Variants in SLC25A17 observed in about 807,000 individuals in gnomAD.
The protein encoded by SLC25A17 is peroxisomal membrane protein PMP34.
In SLC25A17, 26 loss-of-function variants were observed where a neutral mutation model predicts 38.5. That is an observed-to-expected ratio of 0.68 (90% CI 0.50 to 0.94). The LOEUF is 0.94. Among genes scored for constraint, SLC25A17 ranks in the 40% least tolerant of loss-of-function variants. The probability of loss-of-function intolerance (pLI) is 0.00; values close to 1 mark genes in which losing one functional copy is unlikely to be tolerated. For missense variants in SLC25A17, 333 were observed against 372.7 expected, an observed-to-expected ratio of 0.89 and a Z score of 0.88; for synonymous variants, 139 against 136.2, an observed-to-expected ratio of 1.02 and a Z score of -0.14.
chr22:40,812,175 G>A (rs1197717856), intron 1 of SLC25A17, among the ~76,000 whole-genome samples: 1 of 151,864 alleles, frequency 6.6e-6, no homozygotes, highest in African/African-American at 2.4e-5. Context: ...GATTACAGGC[G>A]TGAGCCACCA....
intron 2 of SLC25A17, chr22:40,798,435 G>C (rs928422420): frequency 2.0e-5 from 3 of 152,096 alleles, no homozygotes; most frequent in Admixed American, 1.3e-4. Flanking sequence ...AAGAGTGAAA[G>C]CTTCCTTCCC....
intron 7 of SLC25A17, among the ~76,000 whole-genome samples, chr22:40,775,819 T>C (rs2057237769): frequency 1.3e-5 from 2 of 152,216 alleles, no homozygotes; most frequent in Non-Finnish European, 2.9e-5. Flanking sequence ...TGCCGCCATG[T>C]GAAGAAGGAC....
At chr22:40,810,655 T>C (rs145536691) in intron 1 of SLC25A17, among the ~76,000 whole-genome samples, 7 of 152,298 alleles carry the variant, frequency 4.6e-5, no homozygotes, top group South Asian at 2.1e-4. Flanking sequence ...AATATTCTAA[T>C]AGTAAATTTT....
intron 3 of SLC25A17, among the ~76,000 whole-genome samples, 181 bp from the exon 4 acceptor site, chr22:40,792,857 A>G (rs1323507578): frequency 6.6e-6 from 1 of 152,216 alleles, no homozygotes; most frequent in Non-Finnish European, 1.5e-5. Flanking sequence ...CAAGAAATCT[A>G]TTCTAGCACT....
chr22:40,816,552 C>T (rs2057641479), intron 1 of SLC25A17, among the ~76,000 whole-genome samples: 1 of 151,618 alleles, frequency 6.6e-6, no homozygotes, highest in South Asian at 2.1e-4. Context: ...TTTTATAGCA[C>T]TTAACTGTAT....
intron 4 of SLC25A17, among the ~76,000 whole-genome samples, chr22:40,791,836 C>T (rs535940236): frequency 3.4e-4 from 51 of 152,106 alleles, no homozygotes; most frequent in African/African-American, 1.1e-3. Flanking sequence ...TGGAGGTTCC[C>T]GAGAAAACTG....
rs767043883 is a variant in SLC25A17 at position 40,770,810 on chromosome 22, C to T, written c.*24G>A. 2.0e-5 allele frequency: 31 copies of T among 1,582,622 alleles called. No homozygotes were observed. The highest frequency in any genetic ancestry group is 2.7e-5 in the African/African-American group (2 of 74,046). ...AGGAAACCTCCCTCTTGAGCATCTT[C>T]GGAATTTTTCATGGGAAGGCGTCTC... is the stretch of plus-strand genomic sequence containing the variant. On this transcript the variant is annotated 3_prime_UTR_variant, in exon 9 of 9. Transcript: ENST00000435456.
At chr22:40,773,875 C>A in intron 8 of SLC25A17, 62 bp downstream of exon 8, 1 of 1,154,900 alleles carries the variant, frequency 8.7e-7, no homozygotes, top group Non-Finnish European at 1.3e-6. Context: ...AAATGCAACC[C>A]CTCCCTGGCA....
chr22:40,797,151 T>C (rs570060562), intron 2 of SLC25A17: 1 of 439,822 alleles, frequency 2.3e-6, no homozygotes, highest in Non-Finnish European at 4.6e-6. Context: ...GCATTTTCAC[T>C]GCACTGTATA....
chr22:40,803,564 A>G (rs2057502455), intron 1 of SLC25A17, among the ~76,000 whole-genome samples: 1 of 152,134 alleles, frequency 6.6e-6, no homozygotes, highest in Non-Finnish European at 1.5e-5. Flanking sequence ...GTAGATAAGC[A>G]TTGATTCCAC....
At chr22:40,816,236 A>C (rs970632700) in intron 1 of SLC25A17, among the ~76,000 whole-genome samples, 5 of 152,068 alleles carry the variant, frequency 3.3e-5, no homozygotes, top group Non-Finnish European at 5.9e-5. Context: ...AAAAGAAAAA[A>C]AGAGAAAAAT....
At chr22:40,778,501 C>T (rs976030875) in intron 5 of SLC25A17, among the ~76,000 whole-genome samples, 5 of 152,328 alleles carry the variant, frequency 3.3e-5, no homozygotes, top group South Asian at 2.1e-4. Flanking sequence ...CGTCAATCCA[C>T]AAACATGTGT....
chr22:40,800,018 T>C (rs935604876), intron 1 of SLC25A17, among the ~76,000 whole-genome samples: 10 of 152,234 alleles, frequency 6.6e-5, no homozygotes, highest in Non-Finnish European at 1.3e-4. Context: ...AACAGACACA[T>C]ACTTTTATTC....
chr22:40,806,501 A>G (rs2145698662), intron 1 of SLC25A17, among the ~76,000 whole-genome samples: 1 of 152,278 alleles, frequency 6.6e-6, no homozygotes, highest in Middle Eastern at 3.4e-3. Flanking sequence ...AAGAAGATTA[A>G]AAACCTACAG....
chr22:40,782,175 G>A (rs1014290144), intron 4 of SLC25A17, among the ~76,000 whole-genome samples: 4 of 151,950 alleles, frequency 2.6e-5, no homozygotes, highest in Admixed American at 1.3e-4. Flanking sequence ...AGCCGAGATC[G>A]CACTACTGCA....
chr22:40,812,033 T>TTCTC (rs372346560), intron 1 of SLC25A17, among the ~76,000 whole-genome samples: 11 of 150,276 alleles, frequency 7.3e-5, no homozygotes, highest in South Asian at 6.3e-4. Flanking sequence ...CTCTTTTTCT[T>TTCTC]TCTCTCTCTC....
In SLC25A17 at chr22:40,770,014, TG is replaced by T. The variant is rs2057166190; in HGVS notation, c.*819del. 6.6e-6 allele frequency: 1 copy of T among 152,236 alleles called. No homozygotes were observed. Among genetic ancestry groups the T allele is most frequent in the Non-Finnish European group, 1.5e-5 (1 of 68,038 alleles). The allele number at this position is 152,236 out of a possible 1,614,324, so 9.4% of individuals were successfully genotyped here. A position where few individuals can be genotyped will look rare whatever the true frequency, so the allele number is the denominator to read the frequency against. On this transcript the variant is annotated 3_prime_UTR_variant, in exon 9 of 9. Transcript: ENST00000435456. ...AGATATCTGCTCCCCTTCTCATTTT[TG>T]TGATTTTTCCCATCTGGTTGCAAAC...
Position 40,789,695 on chromosome 22 carries a change from G to A in SLC25A17, c.334+2830C>T, listed in dbSNP as rs1281193081. Among the ~76,000 whole-genome samples the A allele has an allele frequency of 1.3e-5, 2 of 151,760 alleles. No homozygotes were observed. Among genetic ancestry groups the A allele is most frequent in the South Asian group, 2.1e-4 (1 of 4,786 alleles). On this transcript the variant is annotated intron_variant, in intron 4 of 8. Transcript: ENST00000435456. This position sits in a 1 kb window ranked among gnomAD's most constrained non-coding sequence, Gnocchi z 4.5. ...CTAATTTTTTGTATTTTCAGTAAAGGTGGGGTTTCACCATGTAGGCTAGGC... is the reference window on the plus strand; with the variant it reads ...CTAATTTTTTGTATTTTCAGTAAAGATGGGGTTTCACCATGTAGGCTAGGC...
At chr22:40,805,249 C>T (rs969937522) in intron 1 of SLC25A17, among the ~76,000 whole-genome samples, 6 of 152,186 alleles carry the variant, frequency 3.9e-5, no homozygotes, top group African/African-American at 1.2e-4. Context: ...GCAGGAGAAT[C>T]GCTTGAACCT....
Sources: allele counts gnomAD v4.1 joint callset (sites outside exome capture counted in the v4.1 genomes callset), GRCh38; gene constraint gnomAD v4.1.1; non-coding constraint Gnocchi (gnomAD v3.1); transcripts MANE v1.5; gene names NCBI Gene and HGNC (gene_info 2026-07-23, HGNC 2026-07-21).